The following NAV2 variants were observed in gnomAD, a reference collection of about 807,000 sequenced individuals.
The protein encoded by NAV2 is helicase, APC down-regulated 1.
NAV2 carries 54 observed loss-of-function variants against 223.2 expected under a neutral mutation model. The ratio of observed to expected loss-of-function variants is 0.24; its 90% CI spans 0.19 to 0.30. The LOEUF (loss-of-function observed/expected upper bound fraction) is 0.30. NAV2 is among the 10% of genes least tolerant of loss of function. The pLI is 1.00. For synonymous variants in NAV2, 1,279 were observed against 1,239.3 expected (o/e 1.03, Z -0.67); for missense variants, 2,806 against 3,147.5 (o/e 0.89, Z 2.60).
At chr11:20,047,400 G>A (rs1437508164) in intron 14 of NAV2, among the ~76,000 whole-genome samples, 3 of 152,176 alleles carry the variant, frequency 2.0e-5, no homozygotes, top group Non-Finnish European at 2.9e-5. Context: ...TGGTGAATTT[G>A]ATAGATAACT....
chr11:19,649,897 A>C (rs994973105), intron 1 of NAV2, among the ~76,000 whole-genome samples: 1 of 152,140 alleles, frequency 6.6e-6, no homozygotes, highest in African/African-American at 2.4e-5. Context: ...ATACTTCCAC[A>C]CTCCCATTTG....
At chr11:19,777,095 C>A (rs902708168) in intron 1 of NAV2, among the ~76,000 whole-genome samples, 2 of 60,126 alleles carry the variant, frequency 3.3e-5, no homozygotes, top group South Asian at 4.1e-4. Flanking sequence ...AGCCGCCGAC[C>A]CCCCCCCCCA....
intron 1 of NAV2, among the ~76,000 whole-genome samples, chr11:19,459,661 G>A (rs568977017): frequency 6.6e-6 from 1 of 152,354 alleles, no homozygotes; most frequent in East Asian, 1.9e-4. Flanking sequence ...GTATTCTAGA[G>A]AGAATGCTAT....
chr11:19,712,737 A>C (rs7117165), upstream of NAV2: 12,288 of 151,864 alleles, frequency 0.081, 616 homozygotes, highest in Non-Finnish European at 0.1. Context: ...CCCTCTTTGC[A>C]GTGAGACCCG....
chr11:19,835,134 T>C (rs116674276), intron 2 of NAV2, among the ~76,000 whole-genome samples: 2,602 of 152,304 alleles, frequency 0.017, 65 homozygotes, highest in African/African-American at 0.059. Context: ...TTGCTCAGGA[T>C]GATGCTTCCC....
At chr11:19,476,252 C>T (rs575369605) in intron 1 of NAV2, among the ~76,000 whole-genome samples, 2 of 152,296 alleles carry the variant, frequency 1.3e-5, no homozygotes, top group African/African-American at 2.4e-5. Flanking sequence ...GGATTACAGG[C>T]GTGAGCCACT....
intron 1 of NAV2, among the ~76,000 whole-genome samples, chr11:19,422,418 G>A (rs1850654029): frequency 1.3e-5 from 2 of 152,164 alleles, no homozygotes; most frequent in Non-Finnish European, 2.9e-5. Context: ...AGACCCCCAC[G>A]GCCCTGAAGA....
intron 1 of NAV2, among the ~76,000 whole-genome samples, chr11:19,419,782 G>T (rs1353835831): frequency 6.6e-6 from 1 of 152,196 alleles, no homozygotes; most frequent in African/African-American, 2.4e-5. Context: ...TGAATTAAGA[G>T]TCAGTTTAAA....
chr11:19,807,888 A>T (rs924300261), intron 1 of NAV2, among the ~76,000 whole-genome samples: 1 of 152,170 alleles, frequency 6.6e-6, no homozygotes, highest in African/African-American at 2.4e-5. Context: ...TGCATTTTGC[A>T]TATTTGTCCT....
intron 1 of NAV2, among the ~76,000 whole-genome samples, chr11:19,395,165 C>T (rs559398208): frequency 1.3e-5 from 2 of 152,156 alleles, no homozygotes; most frequent in South Asian, 2.1e-4. Flanking sequence ...GAGCATGTGC[C>T]CATGTGCACG....
At chr11:19,778,902 C>G (rs750603665) in intron 1 of NAV2, among the ~76,000 whole-genome samples, 38 of 152,236 alleles carry the variant, frequency 2.5e-4, no homozygotes, top group African/African-American at 8.4e-4. Flanking sequence ...AGCTGGGTCC[C>G]GATCTGAACT....
At chr11:19,395,935 C>A (rs568794138) in intron 1 of NAV2, among the ~76,000 whole-genome samples, 65 of 152,350 alleles carry the variant, frequency 4.3e-4, no homozygotes, top group African/African-American at 1.5e-3. Context: ...TCTGTCCCAG[C>A]CTTGCACTTC....
intron 1 of NAV2, among the ~76,000 whole-genome samples, chr11:19,780,452 A>G (rs984727280): frequency 6.6e-6 from 1 of 152,254 alleles, no homozygotes; most frequent in Non-Finnish European, 1.5e-5. Flanking sequence ...AGCTGGTATT[A>G]TTTGAGGAGT....
At chr11:19,704,059 A>T (rs543460610) in intron 1 of NAV2, among the ~76,000 whole-genome samples, 2 of 152,138 alleles carry the variant, frequency 1.3e-5, no homozygotes, top group South Asian at 4.2e-4. Flanking sequence ...TTCCTTTAAC[A>T]AGCAGCCTGG....
At chr11:19,831,985 G>C (rs1726736401) in intron 1 of NAV2, among the ~76,000 whole-genome samples, 1 of 152,192 alleles carries the variant, frequency 6.6e-6, no homozygotes, top group Non-Finnish European at 1.5e-5. Context: ...TTCATACTTG[G>C]CTTCTTTTCA....
intron 9 of NAV2, among the ~76,000 whole-genome samples, chr11:19,948,461 A>G (rs918725349): frequency 2.0e-5 from 3 of 152,132 alleles, no homozygotes; most frequent in Non-Finnish European, 2.9e-5. Flanking sequence ...TTCTTGTACC[A>G]TGTTTTAGCA....
At chr11:19,766,226 C>A (rs146017163) in intron 1 of NAV2, among the ~76,000 whole-genome samples, 41 of 152,238 alleles carry the variant, frequency 2.7e-4, no homozygotes, top group Admixed American at 2.6e-3. Flanking sequence ...CTTTTTAAAT[C>A]CTCAGCCCGG....
At chr11:19,555,016 A>C (rs1410183842) in intron 1 of NAV2, among the ~76,000 whole-genome samples, 6 of 151,336 alleles carry the variant, frequency 4.0e-5, no homozygotes, top group Non-Finnish European at 7.4e-5. Context: ...GTTTTGCAAA[A>C]AAAAAAAAAA....
At chr11:20,049,400 T>C in intron 15 of NAV2, 1 of 571,198 alleles carries the variant, frequency 1.8e-6, no homozygotes, top group Non-Finnish European at 3.1e-6. Flanking sequence ...GTGGTTATTT[T>C]TGGTGCTTGG....
Sources: allele counts gnomAD v4.1 joint callset (sites outside exome capture counted in the v4.1 genomes callset), GRCh38; gene constraint gnomAD v4.1.1; transcripts MANE v1.5; gene names NCBI Gene and HGNC (gene_info 2026-07-23, HGNC 2026-07-21).